Variants in MAGI2 observed in about 807,000 individuals in gnomAD.
The protein encoded by MAGI2 is membrane-associated guanylate kinase, WW and PDZ domain-containing protein 2.
MAGI2 carries 35 observed loss-of-function variants against 133.3 expected under a neutral mutation model. The ratio of observed to expected loss-of-function variants is 0.26; its 90% CI spans 0.20 to 0.35. MAGI2 has a LOEUF of 0.35. Ranked by LOEUF, MAGI2 falls within the 10% of genes least tolerant of loss-of-function variation. The probability of loss-of-function intolerance (pLI) is 1.00; values close to 1 mark genes in which losing one functional copy is unlikely to be tolerated. For missense variants in MAGI2, 1,636 were observed against 1,863.4 expected (o/e 0.88, Z 2.25); for synonymous variants, 729 against 710.6 (o/e 1.03, Z -0.41).
intron 1 of MAGI2, among the ~76,000 whole-genome samples, chr7:79,116,450 A>C (rs1020672774): frequency 1.3e-5 from 2 of 152,126 alleles, no homozygotes; most frequent in Non-Finnish European, 2.9e-5. Context: ...TTAAACTTTC[A>C]GGATCCTTCC....
intron 2 of MAGI2, among the ~76,000 whole-genome samples, chr7:78,747,905 A>G (rs891005337): frequency 1.3e-5 from 2 of 152,214 alleles, no homozygotes; most frequent in Non-Finnish European, 2.9e-5. Context: ...TTTGGAAACT[A>G]CATTTTATTA....
intron 1 of MAGI2, among the ~76,000 whole-genome samples, chr7:79,281,768 A>G (rs1317853120): frequency 2.0e-5 from 3 of 152,188 alleles, no homozygotes; most frequent in Non-Finnish European, 4.4e-5. Flanking sequence ...CCATGGCAGT[A>G]TCATTTCAGC....
At chr7:79,013,960 A>G (rs1017291467) in intron 1 of MAGI2, among the ~76,000 whole-genome samples, 12 of 152,204 alleles carry the variant, frequency 7.9e-5, no homozygotes, top group Non-Finnish European at 1.6e-4. Context: ...TCATAATATT[A>G]GAGAGTATAG....
intron 2 of MAGI2, among the ~76,000 whole-genome samples, chr7:78,889,607 A>C (rs1230283070): frequency 6.6e-6 from 1 of 152,228 alleles, no homozygotes; most frequent in African/African-American, 2.4e-5. Flanking sequence ...TTCAACCCAG[A>C]ATTTCATATC....
At chr7:78,660,984 G>A (rs1045510427) in intron 2 of MAGI2, among the ~76,000 whole-genome samples, 1 of 152,050 alleles carries the variant, frequency 6.6e-6, no homozygotes, top group Admixed American at 6.6e-5. Flanking sequence ...CTTGAGACTC[G>A]TTTCCTTTGG....
chr7:78,733,611 T>A (rs1821575522), intron 2 of MAGI2, among the ~76,000 whole-genome samples: 1 of 152,166 alleles, frequency 6.6e-6, no homozygotes, highest in Non-Finnish European at 1.5e-5. Flanking sequence ...TGCAGAGAAG[T>A]ATTAAAAGTA....
At chr7:78,486,675 G>GC (rs1793043239) in intron 6 of MAGI2, 1 of 388,616 alleles carries the variant, frequency 2.6e-6, no homozygotes, top group African/African-American at 2.1e-5. Flanking sequence ...AACAACAATG[G>GC]CGACAACGAT....
intron 2 of MAGI2, among the ~76,000 whole-genome samples, chr7:78,966,243 T>C (rs1036249286): frequency 2.6e-5 from 4 of 152,108 alleles, no homozygotes; most frequent in African/African-American, 9.7e-5. Flanking sequence ...AAGGCAGAAT[T>C]GTTAACTATA....
At chr7:78,842,638 T>C (rs1300094210) in intron 2 of MAGI2, among the ~76,000 whole-genome samples, 1 of 151,910 alleles carries the variant, frequency 6.6e-6, no homozygotes, top group Non-Finnish European at 1.5e-5. Context: ...ACATATAAAA[T>C]CTCTAGTAGA....
rs143744838 is a variant in MAGI2 at position 79,209,085 on chromosome 7, T to G, written c.302-201879A>C. Among the ~76,000 whole-genome samples the G allele has an allele frequency of 8.6e-3, 1,309 of 151,960 alleles. 31 individuals carry two copies. The highest frequency in any genetic ancestry group is 0.03 in the African/African-American group (1,236 of 41,362). The stretch of plus-strand genomic sequence containing the variant: ...GATACAAAATTTCAGTTAGAAGAAA[T>G]AAATGTAAGAGACCTATTGTACAAC... On this transcript the variant is annotated intron_variant, in intron 1 of 21. Transcript: ENST00000354212.
chr7:79,326,118 T>C (rs1052974315), intron 1 of MAGI2, among the ~76,000 whole-genome samples: 1 of 152,146 alleles, frequency 6.6e-6, no homozygotes, highest in African/African-American at 2.4e-5. Context: ...TTTTAATACA[T>C]ACAAAACATT....
chr7:78,280,948 G>A (rs540459661), intron 9 of MAGI2, among the ~76,000 whole-genome samples: 2 of 151,578 alleles, frequency 1.3e-5, no homozygotes, highest in South Asian at 2.1e-4. Context: ...ATCACACCAT[G>A]GCAGAGCCAT....
chr7:79,356,757 G>A (rs1259278596), intron 1 of MAGI2, among the ~76,000 whole-genome samples: 1 of 152,088 alleles, frequency 6.6e-6, no homozygotes, highest in Non-Finnish European at 1.5e-5. Flanking sequence ...TGTGTTTAAG[G>A]AAACCACGTT....
intron 7 of MAGI2, among the ~76,000 whole-genome samples, chr7:78,347,858 C>T (rs948704040): frequency 2.6e-5 from 4 of 152,170 alleles, no homozygotes; most frequent in Non-Finnish European, 5.9e-5. Flanking sequence ...TCACCAAGGC[C>T]TTGTGCATCA....
intron 1 of MAGI2, among the ~76,000 whole-genome samples, chr7:79,445,009 C>T (rs1172543459): frequency 4.6e-5 from 7 of 152,104 alleles, no homozygotes; most frequent in East Asian, 1.9e-4. Flanking sequence ...GAAATAATGC[C>T]GCATATCTAC....
intron 1 of MAGI2, among the ~76,000 whole-genome samples, chr7:79,143,632 G>A (rs1355592476): frequency 6.6e-6 from 1 of 152,094 alleles, no homozygotes; most frequent in African/African-American, 2.4e-5. Flanking sequence ...CAGGATAAAT[G>A]GCCTAAAGCA....
intron 1 of MAGI2, among the ~76,000 whole-genome samples, chr7:79,146,712 G>C (rs996286400): frequency 4.6e-5 from 7 of 152,190 alleles, no homozygotes; most frequent in Admixed American, 4.6e-4. Flanking sequence ...CTTCCATCAT[G>C]ATTGTGAGGC....
chr7:78,993,104 C>T (rs1408438924), intron 2 of MAGI2, among the ~76,000 whole-genome samples: 1 of 151,948 alleles, frequency 6.6e-6, no homozygotes, highest in Non-Finnish European at 1.5e-5. Flanking sequence ...GTGTCTCATA[C>T]TATAAGCAGA....
chr7:78,710,519 T>A (rs1011226513), intron 2 of MAGI2, among the ~76,000 whole-genome samples: 1 of 151,490 alleles, frequency 6.6e-6, no homozygotes, highest in East Asian at 1.9e-4. Flanking sequence ...TCTGAATGAA[T>A]CTGGAGTTTT....
Sources: gnomAD v4.1 joint callset for allele counts (sites outside exome capture counted in the v4.1 genomes callset) on GRCh38, gnomAD v4.1.1 for gene constraint, MANE v1.5 for transcripts, NCBI Gene and HGNC (gene_info 2026-07-23, HGNC 2026-07-21) for gene names.